Variants in SLC35F1 observed in about 807,000 individuals in gnomAD.
SLC35F1 encodes the protein chromosome 6 open reading frame 169.
In SLC35F1, 14 loss-of-function variants were observed where a neutral mutation model predicts 48.7. The observed-to-expected ratio is 0.29, with a 90% CI of 0.19 to 0.45. The LOEUF is 0.45. Among genes scored for constraint, SLC35F1 ranks in the 20% least tolerant of loss-of-function variants. The probability of loss-of-function intolerance (pLI) is 1.00; values close to 1 mark genes in which losing one functional copy is unlikely to be tolerated. For synonymous variants in SLC35F1, 190 were observed against 202.2 expected (o/e 0.94, Z 0.51); for missense variants, 404 against 500.0 (o/e 0.81, Z 1.83).
At chr6:118,019,214 T>C (rs1166647199) in intron 1 of SLC35F1, among the ~76,000 whole-genome samples, 1 of 151,666 alleles carries the variant, frequency 6.6e-6, no homozygotes, top group African/African-American at 2.4e-5. Flanking sequence ...GTATATTTGG[T>C]ATTTTACAAG....
chr6:118,007,747 A>G (rs6934820), intron 1 of SLC35F1, among the ~76,000 whole-genome samples: 151,431 of 152,306 alleles, frequency 0.99, 75,286 homozygotes, highest in Middle Eastern at 1. Context: ...GTATGGGCTA[A>G]TTGGGTCCTC....
At chr6:117,964,906 G>A (rs1460066633) in intron 1 of SLC35F1, among the ~76,000 whole-genome samples, 4 of 152,174 alleles carry the variant, frequency 2.6e-5, no homozygotes, top group African/African-American at 9.7e-5. Flanking sequence ...AAAGTTAGGG[G>A]TTCATATAGC....
Position 118,070,859 on chromosome 6 carries a change from G to GTA in SLC35F1, c.174-83586_174-83585insTA, listed in dbSNP as rs1191509536. ...TATTCTATGTATATATATACACATA[G>GTA]GATATATATACTATGTATATATATA... On this transcript the variant is annotated intron_variant, in intron 1 of 7. Transcript: ENST00000360388. Among the ~76,000 whole-genome samples the GTA allele has an allele frequency of 9.6e-3, 1,229 of 128,328 alleles. 15 individuals carry two copies. Among genetic ancestry groups the GTA allele is most frequent in the South Asian group, 0.037 (158 of 4,238 alleles). The allele number at this position is 128,328 out of a possible 152,430, so 84.2% of individuals were successfully genotyped here.
intron 1 of SLC35F1, among the ~76,000 whole-genome samples, chr6:117,928,849 G>C (rs1776062935): frequency 6.6e-6 from 1 of 152,136 alleles, no homozygotes. Flanking sequence ...AGAACAGCTA[G>C]GTAGTTACGG....
At chr6:117,909,717 G>T (rs1027401308) in intron 1 of SLC35F1, among the ~76,000 whole-genome samples, 18 of 152,210 alleles carry the variant, frequency 1.2e-4, no homozygotes, top group Non-Finnish European at 2.5e-4. Flanking sequence ...ATGAATTAAT[G>T]TATTCAACTC....
intron 1 of SLC35F1, among the ~76,000 whole-genome samples, chr6:117,935,027 A>G (rs914273994): frequency 6.6e-6 from 1 of 152,218 alleles, no homozygotes; most frequent in South Asian, 2.1e-4. Flanking sequence ...GAATCGTTTG[A>G]ACCTGGGAGG....
chr6:118,135,508 A>C (rs1053354631), intron 1 of SLC35F1, among the ~76,000 whole-genome samples: 2 of 152,316 alleles, frequency 1.3e-5, no homozygotes, highest in African/African-American at 4.8e-5. Flanking sequence ...GCCGGGTACC[A>C]GCCATCTGTG....
At chr6:118,247,435 T>C (rs1775522297) in intron 3 of SLC35F1, among the ~76,000 whole-genome samples, 2 of 152,202 alleles carry the variant, frequency 1.3e-5, no homozygotes, top group African/African-American at 4.8e-5. Flanking sequence ...GCAAGTGTGG[T>C]AGTATCCTAC....
chr6:117,994,202 G>GC (rs568242477), intron 1 of SLC35F1, among the ~76,000 whole-genome samples: 53,160 of 151,094 alleles, frequency 0.35, 9,661 homozygotes, highest in African/African-American at 0.44. Context: ...TTATCACATT[G>GC]CCCCCCCCAT....
intron 2 of SLC35F1, among the ~76,000 whole-genome samples, chr6:118,189,842 A>C (rs978113030): frequency 6.6e-6 from 1 of 152,252 alleles, no homozygotes; most frequent in African/African-American, 2.4e-5. Context: ...AGTGAGGTAC[A>C]GAAACAGCCA....
intron 1 of SLC35F1, among the ~76,000 whole-genome samples, chr6:118,128,391 G>A (rs1440931345): frequency 2.7e-5 from 4 of 148,382 alleles, no homozygotes; most frequent in Non-Finnish European, 4.5e-5. Context: ...ATTCACAATA[G>A]CAAAGACTTG....
chr6:118,180,866 T>G (rs1010741014), intron 2 of SLC35F1, among the ~76,000 whole-genome samples: 2 of 152,014 alleles, frequency 1.3e-5, no homozygotes, highest in Non-Finnish European at 2.9e-5. Context: ...AAGCAAGGTA[T>G]TCACTGCATT....
At chr6:118,044,797 A>T (rs1297190792) in intron 1 of SLC35F1, among the ~76,000 whole-genome samples, 1 of 152,100 alleles carries the variant, frequency 6.6e-6, no homozygotes, top group East Asian at 1.9e-4. Flanking sequence ...TCTTGGATCC[A>T]ACTGAACTCT....
intron 1 of SLC35F1, among the ~76,000 whole-genome samples, chr6:117,915,124 GGAGAGATTTAAAATATGCAA>G (rs1486850609): frequency 1.1e-4 from 16 of 152,190 alleles, no homozygotes; most frequent in African/African-American, 3.9e-4. Flanking sequence ...CATTGCAGAT[GGAGAGATTTAAAATATGCAA>G]GAGTATATTT....
At chr6:118,027,025 T>A (rs1771963195) in intron 1 of SLC35F1, among the ~76,000 whole-genome samples, 1 of 152,190 alleles carries the variant, frequency 6.6e-6, no homozygotes. Flanking sequence ...TCTGTCTTTG[T>A]CTTTTCCAGA....
chr6:117,948,830 G>A (rs981997232), intron 1 of SLC35F1, among the ~76,000 whole-genome samples: 10 of 152,020 alleles, frequency 6.6e-5, no homozygotes, highest in African/African-American at 9.7e-5. Flanking sequence ...AGTACTTCAC[G>A]CAAGAGATAA....
chr6:117,995,968 A>G (rs1317284538), intron 1 of SLC35F1, among the ~76,000 whole-genome samples: 2 of 152,212 alleles, frequency 1.3e-5, no homozygotes, highest in African/African-American at 4.8e-5. Context: ...TCAATGAAAT[A>G]AAATTACAGC....
intron 1 of SLC35F1, among the ~76,000 whole-genome samples, chr6:118,063,316 C>G (rs1772567833): frequency 6.6e-6 from 1 of 152,010 alleles, no homozygotes; most frequent in Non-Finnish European, 1.5e-5. Flanking sequence ...TTATTTCTTT[C>G]TTTTCTGTGT....
intron 2 of SLC35F1, among the ~76,000 whole-genome samples, chr6:118,195,329 C>G (rs1225057608): frequency 6.6e-6 from 1 of 152,098 alleles, no homozygotes; most frequent in Non-Finnish European, 1.5e-5. Flanking sequence ...GTTGTTTATC[C>G]AGAACATTCC....
Sources: allele counts gnomAD v4.1 joint callset (sites outside exome capture counted in the v4.1 genomes callset), GRCh38; gene constraint gnomAD v4.1.1; transcripts MANE v1.5; gene names NCBI Gene and HGNC (gene_info 2026-07-23, HGNC 2026-07-21).